The following TMPRSS9 variants were observed in gnomAD, a reference collection of about 807,000 sequenced individuals.
TMPRSS9 encodes the protein transmembrane protease serine 9.
TMPRSS9 carries 113 observed loss-of-function variants against 111.4 expected under a neutral mutation model. That is an observed-to-expected ratio of 1.01 (90% confidence interval 0.87 to 1.19). TMPRSS9 has a LOEUF of 1.19. Ranked by LOEUF, TMPRSS9 falls within the 50% of genes most tolerant of loss-of-function variation. TMPRSS9 has a pLI of 0.00. For missense variants in TMPRSS9, 1,803 were observed against 1,513.1 expected, an observed-to-expected ratio of 1.19 and a Z score of -3.18; for synonymous variants, 805 against 659.1, an observed-to-expected ratio of 1.22 and a Z score of -3.39.
At chr19:2,389,512 G>C (rs1234805823), upstream of TMPRSS9, among the ~76,000 whole-genome samples, 4 of 151,798 alleles carry the variant, frequency 2.6e-5, no homozygotes, top group Non-Finnish European at 4.4e-5. Flanking sequence ...TGGATTACAG[G>C]TGTGCACCAA....
At position 2,415,706 on chromosome 19, in the gene TMPRSS9, G is replaced by A. The variant is rs148115861; in HGVS notation, c.1610G>A (p.Arg537Gln). 188 of 1,607,506 alleles carry A rather than the reference G, an allele frequency of 1.2e-4. 1 individual carries two copies. Among genetic ancestry groups the A allele is most frequent in the Middle Eastern group, 8.7e-4 (5 of 5,740 alleles). ...AGGCCTGCAATGGAGAAGCCCACCC[G>A]GGTCGTGGGCGGGTTCGGAGCTGCC... Residue 537 changes from arginine (R) to glutamine (Q), a missense_variant, in exon 11 of 18, where the codon CGG becomes CAG. Coordinates refer to ENST00000648592, the Ensembl canonical transcript of TMPRSS9.
At chr19:2,395,864 C>T (rs6510663) in intron 1 of TMPRSS9, among the ~76,000 whole-genome samples, 58,328 of 151,406 alleles carry the variant, frequency 0.39, 12,388 homozygotes, top group East Asian at 0.64. Flanking sequence ...AAAAATTAGC[C>T]ACGCGTGGTC....
intron 13 of TMPRSS9, among the ~76,000 whole-genome samples, chr19:2,421,174 CT>C (rs1041581018): frequency 6.6e-6 from 1 of 152,066 alleles, no homozygotes; most frequent in Non-Finnish European, 1.5e-5. Flanking sequence ...CCACTGCACT[CT>C]GGCCTGGGCA....
chr19:2,397,324 T>C (rs938581500), intron 2 of TMPRSS9, among the ~76,000 whole-genome samples: 1 of 151,998 alleles, frequency 6.6e-6, no homozygotes, highest in Non-Finnish European at 1.5e-5. Flanking sequence ...GGAGTCTTGC[T>C]CTGTTGTCCA....
At chr19:2,402,242 A>T (rs1378957240) in intron 5 of TMPRSS9, among the ~76,000 whole-genome samples, 1 of 151,242 alleles carries the variant, frequency 6.6e-6, no homozygotes, top group East Asian at 2.0e-4. Flanking sequence ...AAATAATAAT[A>T]AAAAAAGGCC....
chr19:2,368,773 AG>A (rs1970265857), intron 1 of TMPRSS9, among the ~76,000 whole-genome samples: 2 of 60,230 alleles, frequency 3.3e-5, no homozygotes, highest in African/African-American at 1.5e-4. Flanking sequence ...GGATAAACCC[AG>A]TTTTTTTTTT....
intron 13 of TMPRSS9, among the ~76,000 whole-genome samples, chr19:2,420,441 CA>C (rs575760141): frequency 0.21 from 22,150 of 105,858 alleles, 1,836 homozygotes; most frequent in East Asian, 0.37. Flanking sequence ...GACTCCACCT[CA>C]AAAAAAAAAA....
intron 1 of TMPRSS9, among the ~76,000 whole-genome samples, chr19:2,376,034 G>A (rs1047884993): frequency 3.3e-5 from 5 of 152,090 alleles, no homozygotes; most frequent in African/African-American, 4.8e-5. Flanking sequence ...TTGTCCCCAG[G>A]GAGCGTGTGT....
intron 13 of TMPRSS9, among the ~76,000 whole-genome samples, chr19:2,419,978 G>C (rs1172703201): frequency 6.6e-6 from 1 of 152,154 alleles, no homozygotes; most frequent in Non-Finnish European, 1.5e-5. Flanking sequence ...GGACAACATA[G>C]TGAGACCCCG....
intron 9 of TMPRSS9, 40 bp downstream of exon 10, chr19:2,410,434 A>G: frequency 1.2e-6 from 2 of 1,609,118 alleles, no homozygotes; most frequent in Non-Finnish European, 1.7e-6. Flanking sequence ...AAACACAGAA[A>G]TAGACACGAG....
chr19:2,397,125 A>T (rs1340212695), intron 2 of TMPRSS9, among the ~76,000 whole-genome samples: 2 of 151,720 alleles, frequency 1.3e-5, no homozygotes, highest in Non-Finnish European at 2.9e-5. Flanking sequence ...TTCACCATGT[A>T]GGACAGGATG....
intron 1 of TMPRSS9, among the ~76,000 whole-genome samples, chr19:2,380,411 C>T (rs559223560): frequency 1.8e-4 from 27 of 151,640 alleles, no homozygotes; most frequent in Non-Finnish European, 3.4e-4. Flanking sequence ...GCCTGGCCAA[C>T]ATGGCAAAAC....
chr19:2,379,664 TCTTTCTTTCTTTC>T (rs1970369803), intron 1 of TMPRSS9, among the ~76,000 whole-genome samples: 1 of 149,940 alleles, frequency 6.7e-6, no homozygotes, highest in African/African-American at 2.5e-5. Flanking sequence ...TTTCTTTCTT[TCTTTCTTTCTTTC>T]TCTTTTTCTT....
At chr19:2,418,317 C>T (rs1308746801) in intron 13 of TMPRSS9, among the ~76,000 whole-genome samples, 179 bp downstream of exon 14, 3 of 40,002 alleles carry the variant, frequency 7.5e-5, no homozygotes, top group African/African-American at 6.4e-4. Context: ...TTCCCTCCCT[C>T]CCTCCCTCCC....
intron 7 of TMPRSS9, among the ~76,000 whole-genome samples, chr19:2,406,531 C>T (rs1361617709): frequency 3.4e-5 from 5 of 147,072 alleles, no homozygotes; most frequent in South Asian, 2.2e-4. Context: ...GATGGGTTTT[C>T]GCCATGTTGG....
intron 4 of TMPRSS9, among the ~76,000 whole-genome samples, chr19:2,400,519 G>A (rs1027578104): frequency 6.6e-6 from 1 of 151,422 alleles, no homozygotes; most frequent in African/African-American, 2.4e-5. Flanking sequence ...TCCAGCCTGG[G>A]TGACAGAGTG....
At chr19:2,392,131 T>A (rs181933088) in intron 1 of TMPRSS9, among the ~76,000 whole-genome samples, 1 of 152,154 alleles carries the variant, frequency 6.6e-6, no homozygotes, top group Admixed American at 6.6e-5. Context: ...GGAGGATTGC[T>A]TGAGCTCAGG....
At chr19:2,411,827 C>T (rs546435754) in intron 9 of TMPRSS9, among the ~76,000 whole-genome samples, 17 of 152,280 alleles carry the variant, frequency 1.1e-4, no homozygotes, top group Non-Finnish European at 2.2e-4. Flanking sequence ...GCTAGGATTA[C>T]AGGTGTGAGC....
At position 2,425,343 on chromosome 19, in the gene TMPRSS9, T is replaced by TCGCC. The variant is rs761544606; in HGVS notation, c.2984-6_2984-3dup. ...GCGGTCCCCACCCGCCCCGTCTCGC[T>TCGCC]CGCCCGCCCGCAGGCTCCATGGCGC... On this transcript the variant is annotated splice_polypyrimidine_tract_variant and intron_variant, in intron 16 of 17. Transcript: ENST00000648592. 150 of 1,462,232 alleles carry TCGCC rather than the reference T, an allele frequency of 1.0e-4. No individual in the cohort carries two copies. The highest frequency in any genetic ancestry group is 1.2e-4 in the Non-Finnish European group (135 of 1,110,946). 90.6% of individuals were successfully genotyped at this position (1,462,232 alleles called of 1,614,324 possible). A position where few individuals can be genotyped will look rare whatever the true frequency, so the allele number is the denominator to read the frequency against.
Sources: gnomAD v4.1 joint callset for allele counts (sites outside exome capture counted in the v4.1 genomes callset) on GRCh38, gnomAD v4.1.1 for gene constraint, MANE v1.5 for transcripts, NCBI Gene and HGNC (gene_info 2026-07-23, HGNC 2026-07-21) for gene names.